Variants in POR observed in about 807,000 individuals in gnomAD.
The protein encoded by POR is NADPH--cytochrome P450 reductase.
A neutral mutation model predicts 84.0 loss-of-function variants in POR; 56 were observed. The observed-to-expected ratio is 0.67, with a 90% confidence interval of 0.54 to 0.83. POR has a LOEUF of 0.83. Among genes scored for constraint, POR ranks in the 40% least tolerant of loss-of-function variants. The pLI, the probability that POR is intolerant of heterozygous loss-of-function variation, is 0.00. For synonymous variants in POR, 414 were observed against 400.5 expected (o/e 1.03, Z -0.40); for missense variants, 938 against 944.3 (o/e 0.99, Z 0.09).
chr7:75,977,483 A>G (rs1194714571), intron 3 of POR, among the ~76,000 whole-genome samples: 1 of 152,176 alleles, frequency 6.6e-6, no homozygotes, highest in Non-Finnish European at 1.5e-5. Context: ...ACTATTAGAA[A>G]TACCTCAGGT....
intron 1 of POR, chr7:75,923,357 C>A: frequency 2.5e-6 from 2 of 813,162 alleles, no homozygotes; most frequent in Admixed American, 1.7e-5. Context: ...GTCATGCTAC[C>A]AAAAATAGTG....
At chr7:75,951,326 G>C (rs558851529) in intron 1 of POR, among the ~76,000 whole-genome samples, 1 of 150,334 alleles carries the variant, frequency 6.7e-6, no homozygotes, top group African/African-American at 2.5e-5. Context: ...CCCAGGAGGC[G>C]GAGGTTGCAG....
intron 2 of POR, among the ~76,000 whole-genome samples, chr7:75,970,380 G>A (rs1018881645): frequency 2.0e-5 from 3 of 149,126 alleles, no homozygotes; most frequent in Non-Finnish European, 3.0e-5. Flanking sequence ...TGATCGCACC[G>A]CACGGTCATG....
chr7:75,953,151 C>A (rs1362355182), intron 1 of POR, among the ~76,000 whole-genome samples: 3 of 151,942 alleles, frequency 2.0e-5, no homozygotes, highest in Non-Finnish European at 4.4e-5. Flanking sequence ...ACCCCGTTTC[C>A]ACCAAAAAAA....
At chr7:75,964,551 G>A (rs973568481) in intron 2 of POR, among the ~76,000 whole-genome samples, 121 of 151,794 alleles carry the variant, frequency 8.0e-4, no homozygotes, top group African/African-American at 2.7e-3. Context: ...CAGGTGATCC[G>A]CCTGCCTCAG....
At position 75,955,935 on chromosome 7, in the gene POR, C is replaced by G. The variant is rs915323290; in HGVS notation, c.188+1755C>G. Among the ~76,000 whole-genome samples the G allele has an allele frequency of 5.3e-4, 81 of 152,200 alleles. 1 individual carries two copies. Among genetic ancestry groups the G allele is most frequent in the African/African-American group, 1.9e-3 (78 of 41,452 alleles). On this transcript the variant is annotated intron_variant, in intron 2 of 15. Coordinates refer to ENST00000461988, the MANE Select transcript of POR (RefSeq NM_000941.3). ...CGCCAGAACACTTACAGCCTTCACA[C>G]CGTAAAGCAGATATTCACACAACAC...
At chr7:75,968,612 C>G (rs1788292323) in intron 2 of POR, among the ~76,000 whole-genome samples, 1 of 152,226 alleles carries the variant, frequency 6.6e-6, no homozygotes, top group Non-Finnish European at 1.5e-5. Flanking sequence ...GGCACCCTCC[C>G]CGGCAGGATG....
intron 4 of POR, 30 bp downstream of exon 4, chr7:75,979,609 TG>T (rs1329351730): frequency 3.1e-6 from 5 of 1,610,502 alleles, no homozygotes; most frequent in African/African-American, 1.3e-5. Context: ...TGGCCCCAGA[TG>T]GAGGCAGTGG....
intron 1 of POR, among the ~76,000 whole-genome samples, chr7:75,936,678 G>A (rs1369041583): frequency 1.3e-5 from 2 of 151,842 alleles, no homozygotes; most frequent in East Asian, 1.9e-4. Flanking sequence ...GGGGTTGGGG[G>A]GCAGGTGGCA....
chr7:75,944,886 T>G (rs1284664286), intron 1 of POR, among the ~76,000 whole-genome samples: 1 of 151,992 alleles, frequency 6.6e-6, no homozygotes, highest in Non-Finnish European at 1.5e-5. Context: ...ACAAAACAAA[T>G]GAACAGAGCC....
At chr7:75,966,408 G>A (rs1430862550) in intron 2 of POR, among the ~76,000 whole-genome samples, 1 of 152,190 alleles carries the variant, frequency 6.6e-6, no homozygotes, top group Non-Finnish European at 1.5e-5. Context: ...GGCTCTGAAG[G>A]TCAAGAAATC....
At position 75,917,547 on chromosome 7, in the gene POR, A is replaced by G. The variant is rs540380572; in HGVS notation, c.-5+2368A>G. 1.5e-4 allele frequency among the ~76,000 whole-genome samples: 23 copies of G among 152,240 alleles called. No homozygotes were observed. The South Asian group carries it at 4.8e-3, about 32-fold the overall frequency. The stretch of plus-strand genomic sequence containing the variant: ...GGCACTAGCACCGTGTGTGGCCTCA[A>G]TTGAGCATGTTGGGATTTAACTTTC... On this transcript the variant is annotated intron_variant, in intron 1 of 15. Coordinates refer to ENST00000461988, the MANE Select transcript of POR (RefSeq NM_000941.3).
At chr7:75,919,555 T>C (rs75734994) in intron 1 of POR, among the ~76,000 whole-genome samples, 2,243 of 152,178 alleles carry the variant, frequency 0.015, 47 homozygotes, top group African/African-American at 0.044. Flanking sequence ...TGTATGTTTA[T>C]TTATTTATTT....
chr7:75,948,126 A>T (rs1563410985), intron 1 of POR, among the ~76,000 whole-genome samples: 1 of 152,216 alleles, frequency 6.6e-6, no homozygotes, highest in East Asian at 1.9e-4. Flanking sequence ...CGGTGAGCAC[A>T]GCCCGGTGGG....
At chr7:75,981,681 G>C in intron 7 of POR, 75 bp downstream of exon 7, 1 of 1,264,026 alleles carries the variant, frequency 7.9e-7, no homozygotes, top group African/African-American at 1.5e-5. Context: ...TGGAACAAGG[G>C]CTGGCAGTGG....
intron 7 of POR, 182 bp from the exon 8 acceptor site, chr7:75,982,038 GCCTC>G: frequency 1.6e-6 from 1 of 607,530 alleles, no homozygotes; most frequent in Admixed American, 2.5e-5. Flanking sequence ...GCTCCACGCC[GCCTC>G]CCTCCTTGCT....
chr7:75,966,572 G>C (rs532492286), intron 2 of POR, among the ~76,000 whole-genome samples: 121 of 152,310 alleles, frequency 7.9e-4, no homozygotes, highest in Non-Finnish European at 1.2e-3. Context: ...TAGACGCTAG[G>C]TTCTGAAAGG....
intron 3 of POR, among the ~76,000 whole-genome samples, chr7:75,973,190 C>A (rs930113275): frequency 9.2e-5 from 14 of 152,214 alleles, no homozygotes; most frequent in African/African-American, 3.4e-4. Flanking sequence ...ATCCACTATT[C>A]AGTGGAAAGC....
In POR at chr7:75,979,507, C is replaced by T. The variant is rs1554557307; in HGVS notation, c.294C>T (p.Ala98=). 3.7e-6 allele frequency: 6 copies of T among 1,613,518 alleles called. No individual in the cohort carries two copies. In the Admixed American group the frequency reaches 1.0e-4, roughly 27 times the overall value. Residue 98 remains alanine, a synonymous_variant, in exon 4 of 16, where the codon GCC becomes GCT. Transcript: ENST00000461988. ...AGACGGGGACTGCAGAGGAGTTTGC[C>T]AACCGCCTGTCCAAGGACGCCCACC... is the stretch of plus-strand genomic sequence containing the variant.
Sources: gnomAD v4.1 joint callset for allele counts (sites outside exome capture counted in the v4.1 genomes callset) on GRCh38, gnomAD v4.1.1 for gene constraint, MANE v1.5 for transcripts, NCBI Gene and HGNC (gene_info 2026-07-23, HGNC 2026-07-21) for gene names.